TMEM143: variants seen among roughly 807,000 people sequenced by gnomAD.
The protein encoded by TMEM143 is transmembrane protein 143.
Under a neutral mutation model 40.3 loss-of-function variants are expected in TMEM143, and 45 were observed. That is an observed-to-expected ratio of 1.12 (90% CI 0.88 to 1.43). The LOEUF (loss-of-function observed/expected upper bound fraction) is 1.43. Among genes scored for constraint, TMEM143 ranks in the 40% most tolerant of loss-of-function variants. The pLI, the probability that TMEM143 is intolerant of heterozygous loss-of-function variation, is 0.00. For synonymous variants in TMEM143, 299 were observed against 282.7 expected (o/e 1.06, Z -0.58); for missense variants, 620 against 613.4 (o/e 1.01, Z -0.11).
chr19:48,356,123 CTTT>C (rs1350695094), intron 3 of TMEM143, among the ~76,000 whole-genome samples: 20 of 144,088 alleles, frequency 1.4e-4, no homozygotes, highest in African/African-American at 5.1e-4. Flanking sequence ...CTTTTTTTTT[CTTT>C]TTTTTTTTTG....
At chr19:48,339,254 G>C (rs534659009) in intron 6 of TMEM143, among the ~76,000 whole-genome samples, 1 of 152,122 alleles carries the variant, frequency 6.6e-6, no homozygotes, top group Non-Finnish European at 1.5e-5. Flanking sequence ...CCTTAGATGC[G>C]GAGCCCAGAA....
chr19:48,345,050 G>T, intron 4 of TMEM143, 110 bp downstream of exon 4: 1 of 1,207,372 alleles, frequency 8.3e-7, no homozygotes, highest in Non-Finnish European at 1.1e-6. Flanking sequence ...CGCCATATGG[G>T]CCACAGTCCC....
At position 48,363,271 on chromosome 19, in the gene TMEM143, G is replaced by A. The variant is rs941831858; in HGVS notation, c.264+20C>T. ...TGGGAGCCGTAGTCCCCAGGCTCTT[G>A]GGCCTGGGACAGGCGGTACCTGTAT... On this transcript the variant is annotated intron_variant, in intron 2 of 7. Transcript: ENST00000293261. 5 of 1,602,368 alleles carry A rather than the reference G, an allele frequency of 3.1e-6. No individual in the cohort carries two copies. The Admixed American group carries it at 8.6e-5, about 28-fold the overall frequency.
At chr19:48,345,734 G>C (rs1969612776) in intron 3 of TMEM143, among the ~76,000 whole-genome samples, 1 of 151,786 alleles carries the variant, frequency 6.6e-6, no homozygotes, top group Non-Finnish European at 1.5e-5. Flanking sequence ...GCCTCCCAAA[G>C]TGCTAAGATT....
Position 48,342,638 on chromosome 19 carries a change from GC to G in TMEM143, c.866del (p.Gly289AlafsTer13). The G allele has an allele frequency of 6.2e-7, 1 of 1,613,994 alleles. No homozygotes were observed. The highest frequency in any genetic ancestry group is 1.1e-5 in the South Asian group (1 of 91,088). ...TGCCCACGTTGACGAAGATCGCCAC[GC>G]CGGAGACTACCAGCATGAGGTTGAG... The part of the protein sequence containing the change: ...ALLNLMLVVS[G>X]VAIFVNVGMV... On this transcript the variant is annotated frameshift_variant, in exon 6 of 8. Coordinates refer to ENST00000293261, the MANE Select transcript of TMEM143 (RefSeq NM_018273.4). LOFTEE classifies it high-confidence loss of function.
At position 48,363,340 on chromosome 19, in the gene TMEM143, T is replaced by C. The variant is rs1970101943; in HGVS notation, c.215A>G (p.Glu72Gly). Residue 72 changes from glutamate (E) to glycine (G), a missense_variant, in exon 2 of 8, where the codon GAG (glutamate) becomes GGG (glycine). Coordinates refer to ENST00000293261, the MANE Select transcript of TMEM143 (RefSeq NM_018273.4). ...CTCCTTGGAGAAGGGAATGAAGCGC[T>C]CGCGGTACTGCTGGGCCCAGTCGCG... ...EPRDWAQQYR[E>G]RFIPFSKEQL... 6.2e-7 allele frequency: 1 copy of C among 1,614,022 alleles called. No individual in the cohort carries two copies. Among genetic ancestry groups the C allele is most frequent in the Non-Finnish European group, 8.5e-7 (1 of 1,180,012 alleles).
chr19:48,334,412 T>TTCTC (rs977142026), intron 6 of TMEM143, among the ~76,000 whole-genome samples: 2 of 110,906 alleles, frequency 1.8e-5, no homozygotes, highest in South Asian at 3.0e-4. Context: ...TTCTTTCTTT[T>TTCTC]TCTCTCTTTC....
At chr19:48,343,508 C>T in intron 4 of TMEM143, 57 bp from the exon 5 acceptor site, 1 of 1,515,074 alleles carries the variant, frequency 6.6e-7, no homozygotes, top group Non-Finnish European at 8.9e-7. Flanking sequence ...GTGTTGAGGG[C>T]AGGATACCAG....
At chr19:48,357,545 A>G (rs1457029768) in intron 3 of TMEM143, among the ~76,000 whole-genome samples, 1 of 150,132 alleles carries the variant, frequency 6.7e-6, no homozygotes, top group African/African-American at 2.5e-5. Context: ...TTTAGTAGAG[A>G]CAGGGTTTCA....
Position 48,363,302 on chromosome 19 carries a change from G to A in TMEM143, c.253C>T (p.Leu85Phe). Reference protein sequence around the residue: ...IPFSKEQLLRLLIQEFHSSPA... With the variant: ...IPFSKEQLLRFLIQEFHSSPA... The stretch of plus-strand genomic sequence containing the variant: ...GGGACAGGCGGTACCTGTATTAGGA[G>A]GCGGAGCAGCTGCTCCTTGGAGAAG... Residue 85 changes from leucine to phenylalanine, a missense_variant, in exon 2 of 8, where the codon CTC becomes TTC. Transcript: ENST00000293261. 6.2e-7 allele frequency: 1 copy of A among 1,613,906 alleles called. No homozygotes were observed. The highest frequency in any genetic ancestry group is 8.5e-7 in the Non-Finnish European group (1 of 1,179,904).
At chr19:48,359,595 C>T (rs530525076) in intron 3 of TMEM143, among the ~76,000 whole-genome samples, 1 of 151,794 alleles carries the variant, frequency 6.6e-6, no homozygotes, top group East Asian at 1.9e-4. Context: ...CAAGCTCCGC[C>T]TCCCGGGTTC....
intron 6 of TMEM143, among the ~76,000 whole-genome samples, chr19:48,338,993 G>A (rs1569025002): frequency 6.6e-6 from 1 of 152,186 alleles, no homozygotes; most frequent in Non-Finnish European, 1.5e-5. Context: ...CAGGGTGGGG[G>A]CGCCGCAAGC....
rs1369145227 is a variant in TMEM143, at chr19:48,345,279, T to C, written c.445A>G (p.Asn149Asp). The C allele has an allele frequency of 1.2e-6, 2 of 1,610,544 alleles. No homozygotes were observed. The highest frequency in any genetic ancestry group is 2.7e-5 in the African/African-American group (2 of 74,736). Reference protein sequence around the residue: ...PSLTDPQRLSNEQEVLRALEP... With the variant: ...PSLTDPQRLSDEQEVLRALEP... ...AGAGCCCGAAGCACCTCCTGCTCATTAGACAGACGCTGGGGATCCGTTAGT... is the reference window on the plus strand; with the variant it reads ...AGAGCCCGAAGCACCTCCTGCTCATCAGACAGACGCTGGGGATCCGTTAGT... Residue 149 changes from asparagine (N) to aspartate (D), a missense_variant, in exon 4 of 8, where the codon AAT becomes GAT. Physicochemically the swap from Asn to Asp is conservative, Grantham distance 23. Coordinates refer to ENST00000293261, the MANE Select transcript of TMEM143 (RefSeq NM_018273.4).
chr19:48,346,578 T>C (rs540374366), intron 3 of TMEM143, among the ~76,000 whole-genome samples: 1 of 151,994 alleles, frequency 6.6e-6, no homozygotes, highest in South Asian at 2.1e-4. Flanking sequence ...TACTTTCTTT[T>C]TATTTATTTA....
chr19:48,351,793 T>C (rs988951430), intron 3 of TMEM143, among the ~76,000 whole-genome samples: 3 of 152,048 alleles, frequency 2.0e-5, no homozygotes, highest in African/African-American at 7.3e-5. Flanking sequence ...CTGACCACCT[T>C]ACCTGAAACT....
At position 48,336,663 on chromosome 19, in the gene TMEM143, C is replaced by T. The variant is rs1372795194; in HGVS notation, c.976-2466G>A. Among the ~76,000 whole-genome samples the T allele has an allele frequency of 6.6e-5, 10 of 151,684 alleles. No individual in the cohort carries two copies. The East Asian group carries it at 1.2e-3, about 18-fold the overall frequency. ...GTTGCAGTGAGCCGAGATCGTGCCA[C>T]GGCACTTTAGCCTGGGCGACAGAGT... On this transcript the variant is annotated intron_variant, in intron 6 of 7. Coordinates refer to ENST00000293261, the MANE Select transcript of TMEM143 (RefSeq NM_018273.4).
In TMEM143 at chr19:48,342,538, C is replaced by A; in HGVS notation, c.967G>T (p.Ala323Ser). The A allele has an allele frequency of 6.2e-7, 1 of 1,606,506 alleles. No individual in the cohort carries two copies. Among genetic ancestry groups the A allele is most frequent in the Non-Finnish European group, 8.5e-7 (1 of 1,177,740 alleles). ...GGCAGGCGCATGCTCACCTTGGAGG[C>A]CCGCAGGCCCATGAAGATGGCGAAG... ...LLFAIFMGLR[A>S]SKMFGQRRSA... Residue 323 changes from alanine (A) to serine (S), a missense_variant, in exon 6 of 8, where the codon GCC becomes TCC. Coordinates refer to ENST00000293261, the MANE Select transcript of TMEM143 (RefSeq NM_018273.4).
At chr19:48,339,654 CT>C (rs1294882617) in intron 6 of TMEM143, among the ~76,000 whole-genome samples, 1 of 152,034 alleles carries the variant, frequency 6.6e-6, no homozygotes, top group Non-Finnish European at 1.5e-5. Context: ...AGACAGAGAT[CT>C]GGGAGCAACT....
In TMEM143 at chr19:48,363,895, CACCTT is replaced by C; in HGVS notation, c.21_23+2del. On this transcript the variant is annotated splice_donor_variant and coding_sequence_variant, in exon 1 of 8. Transcript: ENST00000293261. LOFTEE classifies it high-confidence loss of function. ...CCATGCAATCCCCCGATTTCTCCCT[CACCTT>C]AGCCAAAGCTCGACTGTCATTGAGC... The C allele has an allele frequency of 3.1e-6, 5 of 1,613,954 alleles. No individual in the cohort carries two copies. Among genetic ancestry groups the C allele is most frequent in the East Asian group, 2.2e-5 (1 of 44,878 alleles).
Sources: allele counts gnomAD v4.1 joint callset (sites outside exome capture counted in the v4.1 genomes callset), GRCh38; gene constraint gnomAD v4.1.1; transcripts MANE v1.5; gene names NCBI Gene and HGNC (gene_info 2026-07-23, HGNC 2026-07-21).